Variants in BICD2 observed in about 807,000 individuals in gnomAD.
The protein encoded by BICD2 is protein bicaudal D homolog 2.
Under a neutral mutation model 72.9 loss-of-function variants are expected in BICD2, and 25 were observed. The observed-to-expected ratio is 0.34, with a 90% CI of 0.25 to 0.48. BICD2 has a LOEUF of 0.48. Ranked by LOEUF, BICD2 falls within the 20% of genes least tolerant of loss-of-function variation. The pLI is 0.99. For missense variants in BICD2, 894 were observed against 1,175.2 expected, an observed-to-expected ratio of 0.76 and a Z score of 3.50; for synonymous variants, 501 against 516.1, an observed-to-expected ratio of 0.97 and a Z score of 0.40.
chr9:92,734,560 C>T (rs1853740119), intron 1 of BICD2, among the ~76,000 whole-genome samples: 1 of 151,772 alleles, frequency 6.6e-6, no homozygotes, highest in Non-Finnish European at 1.5e-5. Flanking sequence ...CCTCCCCCAC[C>T]CCCAACCCAG....
At chr9:92,723,059 AC>A (rs1199383085) in intron 2 of BICD2, among the ~76,000 whole-genome samples, 1 of 151,918 alleles carries the variant, frequency 6.6e-6, no homozygotes, top group African/African-American at 2.4e-5. Context: ...GCCTGCTCCG[AC>A]CCTTGGTTTC....
intron 1 of BICD2, among the ~76,000 whole-genome samples, chr9:92,748,591 C>A (rs559764267): frequency 6.6e-6 from 1 of 152,170 alleles, no homozygotes; most frequent in East Asian, 1.9e-4. Flanking sequence ...ACACAATGAC[C>A]CACCCAGTGG....
intron 1 of BICD2, among the ~76,000 whole-genome samples, chr9:92,747,843 G>A (rs1854046957): frequency 6.6e-6 from 1 of 152,186 alleles, no homozygotes; most frequent in Non-Finnish European, 1.5e-5. Flanking sequence ...CAAGGCTCAG[G>A]AAGCATCTGT....
chr9:92,764,604 C>A lies in BICD2; in HGVS notation c.141G>T (p.Gly47=). Residue 47 remains glycine (G), a synonymous_variant, in exon 1 of 7, where the codon GGG becomes GGT. Transcript: ENST00000356884. The surrounding 1 kb of genome is among the most constrained non-coding windows in gnomAD (Gnocchi z 5.5). ...TREKIQAAEY[G]LAVLEEKHQL... ...GGTGCTTCTCCTCGAGCACCGCCAG[C>A]CCGTACTCGGCCGCCTGGATCTTCT... 1 of 1,587,186 alleles carries A rather than the reference C, an allele frequency of 6.3e-7. No homozygotes were observed. The highest frequency in any genetic ancestry group is 2.3e-5 in the East Asian group (1 of 43,556).
At chr9:92,718,061 AAG>A in intron 5 of BICD2, 113 bp from the exon 6 acceptor site, 1 of 1,360,936 alleles carries the variant, frequency 7.3e-7, no homozygotes, top group Non-Finnish European at 1.0e-6. Context: ...CCTGGGAAGA[AAG>A]CTCCTGGGAG....
chr9:92,730,191 A>G (rs960870413), intron 1 of BICD2, among the ~76,000 whole-genome samples: 2 of 152,204 alleles, frequency 1.3e-5, no homozygotes, highest in African/African-American at 4.8e-5. Flanking sequence ...AGCCCGTCTC[A>G]CTGGCCACTC....
intron 1 of BICD2, among the ~76,000 whole-genome samples, chr9:92,743,652 A>G (rs1315257218): frequency 6.6e-6 from 1 of 152,206 alleles, no homozygotes; most frequent in Admixed American, 6.5e-5. Flanking sequence ...CAAAAGGCCA[A>G]AATTGTGACA....
At chr9:92,735,317 C>A (rs1447389903) in intron 1 of BICD2, among the ~76,000 whole-genome samples, 2 of 152,108 alleles carry the variant, frequency 1.3e-5, no homozygotes, top group African/African-American at 4.8e-5. Flanking sequence ...AGTGGCATGG[C>A]CTCGGGACAG....
At chr9:92,722,604 C>G in intron 3 of BICD2, 52 bp downstream of exon 3, 1 of 1,610,604 alleles carries the variant, frequency 6.2e-7, no homozygotes, top group South Asian at 1.1e-5. Flanking sequence ...AAGAGGTCCT[C>G]AAGGCCCAGT....
rs1198107228 is a variant in BICD2 at position 92,718,933 on chromosome 9, C to A, written c.1712G>T (p.Gly571Val). ...QGGAGRTSPG[G>V]RTSPEARGRR... ...GCCACGCGCCTCGGGGCTGGTGCGG[C>A]CCCCGGGACTGGTGCGGCCGGCCCC... is the stretch of plus-strand genomic sequence containing the variant. Residue 571 changes from glycine to valine, a missense_variant, in exon 5 of 7, where the codon GGC (glycine) becomes GTC (valine). Coordinates refer to ENST00000356884, the MANE Select transcript of BICD2 (RefSeq NM_001003800.2). 7 of 1,607,872 alleles carry A rather than the reference C, an allele frequency of 4.4e-6. No homozygotes were observed. The Admixed American group carries it at 8.4e-5, about 19-fold the overall frequency.
intron 1 of BICD2, among the ~76,000 whole-genome samples, chr9:92,763,391 G>A (rs939224951): frequency 6.6e-6 from 1 of 152,108 alleles, no homozygotes; most frequent in Admixed American, 6.5e-5. Flanking sequence ...ACACCACCAA[G>A]CTATACTCCT....
chr9:92,747,943 G>A (rs1854049674), intron 1 of BICD2, among the ~76,000 whole-genome samples: 1 of 152,234 alleles, frequency 6.6e-6, no homozygotes, highest in South Asian at 2.1e-4. Flanking sequence ...AGCATGGCAG[G>A]TCAAGGGCAT....
chr9:92,742,539 C>G lies in BICD2; in HGVS notation c.241-13303G>C, dbSNP rs146550623. Among the ~76,000 whole-genome samples the G allele has an allele frequency of 9.0e-3, 1,368 of 152,224 alleles. 23 individuals carry two copies. The highest frequency in any genetic ancestry group is 0.032 in the African/African-American group (1,320 of 41,536). On this transcript the variant is annotated intron_variant, in intron 1 of 6. Coordinates refer to ENST00000356884, the MANE Select transcript of BICD2 (RefSeq NM_001003800.2). ...AGCTGGGACTACAGGCACCTGCCAC[C>G]ATGCCTGGCTAATTTTTTGTATGTT...
At chr9:92,744,085 A>T (rs1474814615) in intron 1 of BICD2, among the ~76,000 whole-genome samples, 1 of 152,206 alleles carries the variant, frequency 6.6e-6, no homozygotes, top group African/African-American at 2.4e-5. Context: ...TCCATCCAAC[A>T]GACACAGGCA....
intron 1 of BICD2, among the ~76,000 whole-genome samples, chr9:92,737,071 C>T (rs1279684713): frequency 6.6e-6 from 1 of 152,116 alleles, no homozygotes; most frequent in Non-Finnish European, 1.5e-5. Flanking sequence ...TCTGTGCCCA[C>T]CACCCCCATC....
chr9:92,749,256 A>G (rs57421019), intron 1 of BICD2, among the ~76,000 whole-genome samples: 41,684 of 152,138 alleles, frequency 0.27, 6,851 homozygotes, highest in East Asian at 0.76. Context: ...ATATCTATCA[A>G]GCTGTACGCT....
chr9:92,735,720 T>C (rs1444985760), intron 1 of BICD2, among the ~76,000 whole-genome samples: 1 of 152,052 alleles, frequency 6.6e-6, no homozygotes, highest in Non-Finnish European at 1.5e-5. Flanking sequence ...TCATCTCTGT[T>C]ATCTCCCTGT....
intron 1 of BICD2, among the ~76,000 whole-genome samples, chr9:92,749,408 G>A (rs527425091): frequency 1.2e-4 from 19 of 152,146 alleles, no homozygotes; most frequent in Admixed American, 1.3e-4. Flanking sequence ...TTGTGGATGC[G>A]GGGATCGCTA....
rs369741458 is a variant in BICD2 at position 92,734,562 on chromosome 9, C to A, written c.241-5326G>T. On this transcript the variant is annotated intron_variant, in intron 1 of 6. Transcript: ENST00000356884. ...AAGACAAAATCCACCTCCCCCACCC[C>A]CAACCCAGGACAGCTGGAGTTACTC... 8.8e-4 allele frequency among the ~76,000 whole-genome samples: 134 copies of A among 151,966 alleles called. 2 individuals are homozygous for A. Among genetic ancestry groups the A allele is most frequent in the African/African-American group, 2.7e-3 (110 of 41,418 alleles).
Sources: gnomAD v4.1 joint callset for allele counts (sites outside exome capture counted in the v4.1 genomes callset) on GRCh38, gnomAD v4.1.1 for gene constraint, Gnocchi (gnomAD v3.1) non-coding constraint, MANE v1.5 for transcripts, NCBI Gene and HGNC (gene_info 2026-07-23, HGNC 2026-07-21) for gene names.